CREBBP: variants seen among roughly 807,000 people sequenced by gnomAD.
CREBBP encodes the protein CREB binding lysine acetyltransferase, also known as CREB-binding protein.
In CREBBP, 19 loss-of-function variants were observed where a neutral mutation model predicts 265.0. That is an observed-to-expected ratio of 0.07 (90% CI 0.05 to 0.11). CREBBP has a LOEUF of 0.11. Ranked by LOEUF, CREBBP falls within the 10% of genes least tolerant of loss-of-function variation. CREBBP has a pLI of 1.00. For missense variants in CREBBP, 2,525 were observed against 3,219.0 expected (o/e 0.78, Z 5.22); for synonymous variants, 1,457 against 1,223.7 (o/e 1.19, Z -3.98).
chr16:3,770,051 G>C (rs1410868533), intron 14 of CREBBP, among the ~76,000 whole-genome samples: 3 of 152,018 alleles, frequency 2.0e-5, no homozygotes, highest in African/African-American at 7.2e-5. Context: ...TTATATTTTT[G>C]TAGAGACAAG....
intron 2 of CREBBP, among the ~76,000 whole-genome samples, chr16:3,834,935 G>C (rs1348560939): frequency 6.6e-6 from 1 of 152,154 alleles, no homozygotes; most frequent in East Asian, 1.9e-4. Context: ...GAGGCGGGCG[G>C]ATCACGAGGT....
chr16:3,749,486 TC>T (rs1374343844), intron 21 of CREBBP, 140 bp downstream of exon 21: 1 of 631,694 alleles, frequency 1.6e-6, no homozygotes, highest in African/African-American at 1.9e-5. Flanking sequence ...GAAATCTATA[TC>T]TAAAAGATAA....
intron 23 of CREBBP, among the ~76,000 whole-genome samples, chr16:3,744,400 T>A (rs1207717955): frequency 1.3e-5 from 2 of 152,244 alleles, no homozygotes; most frequent in African/African-American, 2.4e-5. Context: ...GAATAATCTG[T>A]TGATAAATTT....
At chr16:3,765,278 C>A (rs2052823998) in intron 16 of CREBBP, among the ~76,000 whole-genome samples, 1 of 151,420 alleles carries the variant, frequency 6.6e-6, no homozygotes, top group Admixed American at 6.6e-5. Flanking sequence ...GTCTGGCCGC[C>A]TGGTACATGT....
At position 3,786,809 on chromosome 16, in the gene CREBBP, C is replaced by T. The variant is rs527605023; in HGVS notation, c.1331-3883G>A. On this transcript the variant is annotated intron_variant, in intron 5 of 30. Coordinates refer to ENST00000262367, the MANE Select transcript of CREBBP (RefSeq NM_004380.3). ...TGCTAGAATTTATTCAGGTGGCTCA[C>T]GCCTGTAATCCCAGCACTTTGGGAG... Among the ~76,000 whole-genome samples the T allele has an allele frequency of 5.3e-5, 8 of 152,204 alleles. No homozygotes were observed. The South Asian group carries it at 8.3e-4, about 16-fold the overall frequency.
chr16:3,774,542 T>G, intron 12 of CREBBP, 27 bp downstream of exon 12: 1 of 1,613,816 alleles, frequency 6.2e-7, no homozygotes, highest in Non-Finnish European at 8.5e-7. Context: ...GAGGGCTATC[T>G]GCAGCACAGC....
chr16:3,756,269 A>G (rs938422554), intron 19 of CREBBP, among the ~76,000 whole-genome samples: 1 of 152,248 alleles, frequency 6.6e-6, no homozygotes, highest in East Asian at 1.9e-4. Context: ...CTGCTGGCTC[A>G]TAAAATAGAG....
chr16:3,747,580 C>T (rs1397119249), intron 21 of CREBBP, among the ~76,000 whole-genome samples: 1 of 152,184 alleles, frequency 6.6e-6, no homozygotes, highest in Non-Finnish European at 1.5e-5. Flanking sequence ...TAGACTACAA[C>T]CAGCAGGAAG....
intron 7 of CREBBP, 143 bp downstream of exon 7, chr16:3,781,061 A>G: frequency 9.7e-7 from 1 of 1,036,116 alleles, no homozygotes; most frequent in South Asian, 1.4e-5. Flanking sequence ...TTATAATTAA[A>G]GAAAAAAAGG....
At chr16:3,757,059 A>AC (rs2052602962) in intron 19 of CREBBP, among the ~76,000 whole-genome samples, 1 of 152,098 alleles carries the variant, frequency 6.6e-6, no homozygotes, top group Admixed American at 6.6e-5. Flanking sequence ...TCAAATAGAG[A>AC]TGGGGGTTTC....
chr16:3,873,050 G>A (rs1342300447), intron 1 of CREBBP, among the ~76,000 whole-genome samples: 1 of 152,168 alleles, frequency 6.6e-6, no homozygotes, highest in African/African-American at 2.4e-5. Flanking sequence ...CTTTCCTTAA[G>A]TTTTGCCTCG....
At chr16:3,814,295 CCTAG>C (rs2053997156) in intron 2 of CREBBP, among the ~76,000 whole-genome samples, 1 of 146,262 alleles carries the variant, frequency 6.8e-6, no homozygotes, top group African/African-American at 2.5e-5. Flanking sequence ...CGTTCTGTTG[CCTAG>C]GCTGGAATGC....
intron 15 of CREBBP, 149 bp downstream of exon 15, chr16:3,769,025 T>C (rs941789865): frequency 7.4e-6 from 6 of 811,484 alleles, no homozygotes; most frequent in African/African-American, 6.8e-5. Flanking sequence ...TTTCAATCAA[T>C]TTCCTATACA....
At chr16:3,802,216 C>G (rs769110049) in intron 3 of CREBBP, among the ~76,000 whole-genome samples, 1 of 135,614 alleles carries the variant, frequency 7.4e-6, no homozygotes, top group Non-Finnish European at 1.5e-5. Flanking sequence ...ACTGCAACCT[C>G]TGCCTCCCAG....
intron 3 of CREBBP, among the ~76,000 whole-genome samples, chr16:3,808,564 T>G (rs1459781091): frequency 3.9e-5 from 6 of 152,224 alleles, no homozygotes; most frequent in Non-Finnish European, 8.8e-5. Context: ...GGGCAGAAAC[T>G]GCCCTTGACA....
intron 2 of CREBBP, among the ~76,000 whole-genome samples, chr16:3,838,423 C>T (rs987188482): frequency 2.2e-4 from 34 of 152,082 alleles, no homozygotes; most frequent in African/African-American, 8.0e-4. Flanking sequence ...TGACACATGC[C>T]TAAGTTACTC....
At chr16:3,806,614 C>T (rs1372529916) in intron 3 of CREBBP, among the ~76,000 whole-genome samples, 1 of 152,124 alleles carries the variant, frequency 6.6e-6, no homozygotes, top group African/African-American at 2.4e-5. Flanking sequence ...TGTCAGAAAG[C>T]CCAATCCAAA....
intron 16 of CREBBP, among the ~76,000 whole-genome samples, chr16:3,766,911 A>G (rs915037499): frequency 6.6e-6 from 1 of 152,172 alleles, no homozygotes; most frequent in Admixed American, 6.5e-5. Flanking sequence ...CTAAGAGTAT[A>G]AAGAGCCCTG....
Position 3,850,704 on chromosome 16 carries a change from G to T in CREBBP, c.391C>A (p.Pro131Thr). Residue 131 changes from proline (P) to threonine (T), a missense_variant, in exon 2 of 31, where the codon CCC becomes ACC. Coordinates refer to ENST00000262367, the MANE Select transcript of CREBBP (RefSeq NM_004380.3). ...SPLSQGDSSA[P>T]SLPKQAASTS... is the part of the protein sequence containing the mutation. ...CTGGCTGCCTGTTTAGGCAGGCTGG[G>T]GGCTGAAGAATCTCCCTGGCTCAGA... 6.2e-7 allele frequency: 1 copy of T among 1,614,112 alleles called. No homozygotes were observed. The highest frequency in any genetic ancestry group is 8.5e-7 in the Non-Finnish European group (1 of 1,180,042).
Sources: allele counts gnomAD v4.1 joint callset (sites outside exome capture counted in the v4.1 genomes callset), GRCh38; gene constraint gnomAD v4.1.1; transcripts MANE v1.5; gene names NCBI Gene and HGNC (gene_info 2026-07-23, HGNC 2026-07-21).